XRCC4: variants seen among roughly 807,000 people sequenced by gnomAD.
XRCC4 encodes DNA repair protein XRCC4.
XRCC4 carries 28 observed loss-of-function variants against 39.1 expected under a neutral mutation model. The ratio of observed to expected loss-of-function variants is 0.72; its 90% confidence interval spans 0.53 to 0.98. The LOEUF (loss-of-function observed/expected upper bound fraction) is 0.98, where lower values mean the gene tolerates loss of function less well. Ranked by LOEUF, XRCC4 falls within the 50% of genes least tolerant of loss-of-function variation. The probability of loss-of-function intolerance (pLI) is 0.00; values close to 1 mark genes in which losing one functional copy is unlikely to be tolerated. For synonymous variants in XRCC4, 123 were observed against 126.4 expected, an observed-to-expected ratio of 0.97 and a Z score of 0.18; for missense variants, 350 against 376.4, an observed-to-expected ratio of 0.93 and a Z score of 0.58.
At chr5:83,145,558 CAA>C (rs1748412404) in intron 3 of XRCC4, among the ~76,000 whole-genome samples, 1 of 152,180 alleles carries the variant, frequency 6.6e-6, no homozygotes, top group South Asian at 2.1e-4. Flanking sequence ...GAGTCTGTCT[CAA>C]ATATACTTCA....
intron 3 of XRCC4, among the ~76,000 whole-genome samples, chr5:83,164,344 A>T (rs1749357779): frequency 6.6e-6 from 1 of 152,164 alleles, no homozygotes; most frequent in Non-Finnish European, 1.5e-5. Context: ...AATATTTTCA[A>T]TAAATCATTC....
chr5:83,352,723 C>A (rs1200307649), intron 7 of XRCC4, among the ~76,000 whole-genome samples: 1 of 152,094 alleles, frequency 6.6e-6, no homozygotes, highest in Non-Finnish European at 1.5e-5. Flanking sequence ...CTTTCTGCTG[C>A]TAAGAGATTA....
In XRCC4 at chr5:83,284,428, T is replaced by G. The variant is rs186489719; in HGVS notation, c.893+25751T>G. ...AACATTTTGCTTAAAAGAATTGTAA[T>G]TAAAACTGAAATCATTTATAAAGTT... On this transcript the variant is annotated intron_variant, in intron 7 of 7. Coordinates refer to ENST00000396027, the MANE Select transcript of XRCC4 (RefSeq NM_003401.5). Among the ~76,000 whole-genome samples the G allele has an allele frequency of 2.0e-5, 3 of 152,244 alleles. No individual in the cohort carries two copies. The East Asian group carries it at 5.8e-4, about 29-fold the overall frequency.
chr5:83,124,628 A>G (rs1747171409), intron 3 of XRCC4, among the ~76,000 whole-genome samples: 1 of 152,154 alleles, frequency 6.6e-6, no homozygotes, highest in Non-Finnish European at 1.5e-5. Context: ...ATTTTCATTT[A>G]TTTAGTACAA....
chr5:83,303,341 A>T (rs1049090626), intron 7 of XRCC4, among the ~76,000 whole-genome samples: 62 of 152,206 alleles, frequency 4.1e-4, no homozygotes, highest in Non-Finnish European at 1.5e-4. Flanking sequence ...ATTTATGCGC[A>T]GAGAAAAGTT....
chr5:83,249,167 AT>A (rs1753218600), intron 6 of XRCC4, among the ~76,000 whole-genome samples: 1 of 152,128 alleles, frequency 6.6e-6, no homozygotes, highest in Non-Finnish European at 1.5e-5. Context: ...CCTTTACAGA[AT>A]TGTTATGTGA....
At chr5:83,130,209 G>T (rs960406199) in intron 3 of XRCC4, among the ~76,000 whole-genome samples, 232 of 151,378 alleles carry the variant, frequency 1.5e-3, no homozygotes, top group Non-Finnish European at 2.6e-3. Context: ...GGCCTTTTCT[G>T]CATCTATTGA....
At chr5:83,255,701 C>T (rs925491551) in intron 6 of XRCC4, among the ~76,000 whole-genome samples, 1 of 152,032 alleles carries the variant, frequency 6.6e-6, no homozygotes, top group Non-Finnish European at 1.5e-5. Context: ...AATTCATGAA[C>T]CTGTCCTATA....
In XRCC4 at chr5:83,180,158, A is replaced by G. The variant is rs1352678214; in HGVS notation, c.316-15612A>G. 2.0e-5 allele frequency among the ~76,000 whole-genome samples: 3 copies of G among 152,158 alleles called. No homozygotes were observed. In the East Asian group the frequency reaches 5.8e-4, roughly 29 times the overall value. On this transcript the variant is annotated intron_variant, in intron 3 of 7. Transcript: ENST00000396027. ...AGAAGGCAGATGTTTATATTGATCTAAATTGAAAGGGATTGTGGTTGAGGA... is the reference window on the plus strand; with the variant it reads ...AGAAGGCAGATGTTTATATTGATCTGAATTGAAAGGGATTGTGGTTGAGGA...
chr5:83,114,319 T>TC (rs35682100), intron 3 of XRCC4, among the ~76,000 whole-genome samples: 2,287 of 152,312 alleles, frequency 0.015, 55 homozygotes, highest in African/African-American at 0.051. Context: ...CTTGAATTTT[T>TC]CCCCCAAATA....
chr5:83,098,918 A>G (rs571740527), intron 1 of XRCC4, among the ~76,000 whole-genome samples: 1 of 152,188 alleles, frequency 6.6e-6, no homozygotes, highest in Non-Finnish European at 1.5e-5. Flanking sequence ...TGAATAGCCT[A>G]GTGTAGTTTC....
At chr5:83,136,239 A>G (rs1349602330) in intron 3 of XRCC4, among the ~76,000 whole-genome samples, 1 of 152,206 alleles carries the variant, frequency 6.6e-6, no homozygotes. Flanking sequence ...CAAATACATC[A>G]TCTTGTCTTT....
intron 3 of XRCC4, among the ~76,000 whole-genome samples, chr5:83,158,824 AC>A (rs1425836498): frequency 6.6e-6 from 1 of 152,130 alleles, no homozygotes; most frequent in Non-Finnish European, 1.5e-5. Flanking sequence ...TATATAAAAA[AC>A]ATTGAAAAAA....
intron 3 of XRCC4, among the ~76,000 whole-genome samples, chr5:83,168,079 A>C (rs184720457): frequency 7.2e-4 from 109 of 152,328 alleles, no homozygotes; most frequent in Non-Finnish European, 7.4e-5. Context: ...TAAATCAATT[A>C]TGCCAACATA....
At chr5:83,168,695 G>A (rs1222602204) in intron 3 of XRCC4, among the ~76,000 whole-genome samples, 1 of 152,068 alleles carries the variant, frequency 6.6e-6, no homozygotes, top group Non-Finnish European at 1.5e-5. Context: ...CAAAAAAATT[G>A]TCTTCCTCAC....
chr5:83,121,999 A>C (rs1169395735), intron 3 of XRCC4, among the ~76,000 whole-genome samples: 3 of 152,116 alleles, frequency 2.0e-5, no homozygotes, highest in African/African-American at 7.2e-5. Context: ...GTATTGGTCT[A>C]TATTGGGACT....
chr5:83,371,672 T>C, the XRCC4 span, among the ~76,000 whole-genome samples: 1 of 152,130 alleles, frequency 6.6e-6, no homozygotes, highest in Non-Finnish European at 1.5e-5. Context: ...GGCTGGTACA[T>C]GAGTGTGTGT....
At chr5:83,189,280 T>A (rs1305223776) in intron 3 of XRCC4, among the ~76,000 whole-genome samples, 1 of 152,120 alleles carries the variant, frequency 6.6e-6, no homozygotes, top group African/African-American at 2.4e-5. Context: ...TTTGTGGAGT[T>A]TTTTTCTTTT....
At chr5:83,246,681 T>C (rs972354203) in intron 6 of XRCC4, among the ~76,000 whole-genome samples, 3 of 152,314 alleles carry the variant, frequency 2.0e-5, no homozygotes, top group African/African-American at 4.8e-5. Flanking sequence ...ATTTACCTCA[T>C]TGGAAAGATG....
Sources: gnomAD v4.1 joint callset for allele counts (sites outside exome capture counted in the v4.1 genomes callset) on GRCh38, gnomAD v4.1.1 for gene constraint, MANE v1.5 for transcripts, NCBI Gene and HGNC (gene_info 2026-07-23, HGNC 2026-07-21) for gene names.